The following KNDC1 variants were observed in gnomAD, a reference collection of about 807,000 sequenced individuals.
KNDC1 encodes kinase non-catalytic C-lobe domain-containing protein 1.
A neutral mutation model predicts 172.8 loss-of-function variants in KNDC1; 106 were observed. The observed-to-expected ratio is 0.61, with a 90% confidence interval of 0.52 to 0.72. The LOEUF is 0.72. Among genes scored for constraint, KNDC1 ranks in the 30% least tolerant of loss-of-function variants. The pLI is 0.00. For synonymous variants in KNDC1, 1,083 were observed against 1,062.2 expected, an observed-to-expected ratio of 1.02 and a Z score of -0.38; for missense variants, 2,325 against 2,394.5, an observed-to-expected ratio of 0.97 and a Z score of 0.61.
Position 133,163,930 on chromosome 10 carries a change from C to CAATTGCAAAG in KNDC1, c.102+3361_102+3362insAATTGCAAAG, listed in dbSNP as rs1564869723. On this transcript the variant is annotated intron_variant, in intron 1 of 29. Transcript: ENST00000304613. The surrounding 1 kb of genome is among the most constrained non-coding windows in gnomAD (Gnocchi z 4.4). Reference sequence around the variant, plus strand: ...GGATGGGGGTGGAGTTCGTGGCCACCTGCCTTCCCAAATCCCTCCTCCCAC... The same window carrying CAATTGCAAAG: ...GGATGGGGGTGGAGTTCGTGGCCACCAATTGCAAAGTGCCTTCCCAAATCCCTCCTCCCAC... Among the ~76,000 whole-genome samples the CAATTGCAAAG allele has an allele frequency of 1.3e-3, 108 of 84,846 alleles. 1 individual carries two copies. The highest frequency in any genetic ancestry group is 6.4e-3 in the Middle Eastern group (1 of 156). The allele number at this position is 84,846 out of a possible 152,430, so 55.7% of individuals were successfully genotyped here.
rs1854291599 is a variant in KNDC1 at position 133,199,160 on chromosome 10, C to T, written c.2652C>T (p.Leu884=). The change falls in exon 14 of 30, where the codon CTC becomes CTT. Residue 884 remains leucine, a synonymous_variant. Coordinates refer to ENST00000304613, the MANE Select transcript of KNDC1 (RefSeq NM_152643.8). The part of the protein sequence containing the change: ...LCLPCVDASP[L]PGRTACPSLQ... ...TGCCCTGCGTGGATGCCTCGCCACT[C>T]CCAGGGAGGACGGCCTGCCCGTCGC... is the stretch of plus-strand genomic sequence containing the variant. The T allele has an allele frequency of 6.2e-7, 1 of 1,601,770 alleles. No homozygotes were observed. Among genetic ancestry groups the T allele is most frequent in the Non-Finnish European group, 8.5e-7 (1 of 1,175,100 alleles).
rs1336511062 is a variant in KNDC1 at position 133,205,887 on chromosome 10, ATAAAAT to A, written c.3388-792_3388-787del. 3.9e-5 allele frequency among the ~76,000 whole-genome samples: 6 copies of A among 152,148 alleles called. No homozygotes were observed. The South Asian group carries it at 8.3e-4, about 21-fold the overall frequency. On this transcript the variant is annotated intron_variant, in intron 17 of 29. Transcript: ENST00000304613. Reference sequence around the variant, plus strand: ...CTCATCTCAAAAAATAAAAAATAAAATAAAATTAAAAAGTCAATAAAAATAAAAAAC... The same window carrying A: ...CTCATCTCAAAAAATAAAAAATAAAATAAAAAGTCAATAAAAATAAAAAAC...
intron 29 of KNDC1, among the ~76,000 whole-genome samples, chr10:133,222,109 C>T (rs1307063920): frequency 6.7e-6 from 1 of 150,026 alleles, no homozygotes; most frequent in African/African-American, 2.5e-5. Context: ...TGGTGAAACC[C>T]CATCTCTACT....
chr10:133,167,621 G>T, intron 2 of KNDC1, 42 bp downstream of exon 2: 1 of 1,538,194 alleles, frequency 6.5e-7, no homozygotes, highest in Non-Finnish European at 8.8e-7. Flanking sequence ...GGGCACGCGG[G>T]GTGGAGGTGC....
intron 1 of KNDC1, among the ~76,000 whole-genome samples, chr10:133,165,393 G>A (rs1436392758): frequency 6.6e-6 from 1 of 152,164 alleles, no homozygotes; most frequent in Non-Finnish European, 1.5e-5. Context: ...CTCCCTTCCC[G>A]GGTCCACGTG....
At chr10:133,180,481 G>T (rs1354404903) in intron 3 of KNDC1, among the ~76,000 whole-genome samples, 1 of 152,276 alleles carries the variant, frequency 6.6e-6, no homozygotes, top group Admixed American at 6.5e-5. Context: ...TGCCCTCCAA[G>T]TTCACACCCC....
rs1845696403 is a variant in KNDC1, at chr10:133,225,198, G to A, written c.*308G>A. 5.5e-6 allele frequency: 2 copies of A among 361,432 alleles called. No individual in the cohort carries two copies. Among genetic ancestry groups the A allele is most frequent in the African/African-American group, 2.1e-5 (1 of 47,538 alleles). 22.4% of individuals were successfully genotyped at this position (361,432 alleles called of 1,614,324 possible). ...TCCCAGGAGTTTTGTGCCTGTCTGC[G>A]CCTCTCACACACAGATAAGTGGCTC... On this transcript the variant is annotated 3_prime_UTR_variant, in exon 30 of 30. Transcript: ENST00000304613.
Position 133,215,653 on chromosome 10 carries a change from A to C in KNDC1, c.4677+1531A>C, listed in dbSNP as rs61385670. ...AAGGACAGGTGGCTGTCACCTGGCC[A>C]ACCCACATCGTCCTGGGCGCACCCT... On this transcript the variant is annotated intron_variant, in intron 26 of 29. Coordinates refer to ENST00000304613, the MANE Select transcript of KNDC1 (RefSeq NM_152643.8). Among the ~76,000 whole-genome samples the C allele has an allele frequency of 1.6e-4, 25 of 152,390 alleles. No homozygotes were observed. The East Asian group carries it at 4.2e-3, about 26-fold the overall frequency.
At chr10:133,178,008 T>A (rs895390771) in intron 3 of KNDC1, among the ~76,000 whole-genome samples, 5 of 149,808 alleles carry the variant, frequency 3.3e-5, no homozygotes, top group African/African-American at 1.2e-4. Flanking sequence ...ATGTATGTGG[T>A]GTGTGCATGC....
chr10:133,222,268 GC>G (rs1816975572), intron 29 of KNDC1, among the ~76,000 whole-genome samples: 1 of 129,732 alleles, frequency 7.7e-6, no homozygotes, highest in African/African-American at 2.8e-5. Context: ...GGGCGATAGA[GC>G]GAGACTCCGT....
chr10:133,169,942 C>T (rs1260660758), intron 3 of KNDC1, among the ~76,000 whole-genome samples: 2 of 152,244 alleles, frequency 1.3e-5, no homozygotes, highest in African/African-American at 2.4e-5. Context: ...TTTTATCCCG[C>T]GTTGCACGTT....
intron 3 of KNDC1, among the ~76,000 whole-genome samples, chr10:133,169,342 C>T (rs1211713429): frequency 1.3e-5 from 2 of 152,208 alleles, no homozygotes; most frequent in Admixed American, 1.3e-4. Context: ...CGCCTGTGGT[C>T]CCAGCTACTC....
chr10:133,176,714 G>A (rs1010578911), intron 3 of KNDC1, among the ~76,000 whole-genome samples: 3 of 152,210 alleles, frequency 2.0e-5, no homozygotes, highest in Non-Finnish European at 4.4e-5. Flanking sequence ...CTTGAAACTT[G>A]CTGTAGTTTT....
At chr10:133,198,106 G>A (rs143245526) in intron 12 of KNDC1, among the ~76,000 whole-genome samples, 1 of 152,080 alleles carries the variant, frequency 6.6e-6, no homozygotes, top group Non-Finnish European at 1.5e-5. Flanking sequence ...CAAGGCTTCT[G>A]GTGGGGCCTG....
intron 15 of KNDC1, among the ~76,000 whole-genome samples, chr10:133,200,096 G>A (rs1589761365): frequency 6.6e-6 from 1 of 152,238 alleles, no homozygotes; most frequent in East Asian, 1.9e-4. Flanking sequence ...TGCGTGTGGA[G>A]TAAACACAGC....
chr10:133,221,255 T>G (rs1845583051), intron 29 of KNDC1, among the ~76,000 whole-genome samples: 1 of 152,024 alleles, frequency 6.6e-6, no homozygotes. Flanking sequence ...CCTCAGCCTG[T>G]TCCTGTGGTC....
intron 1 of KNDC1, among the ~76,000 whole-genome samples, chr10:133,166,961 C>T (rs1351628370): frequency 2.0e-5 from 3 of 152,170 alleles, no homozygotes; most frequent in Admixed American, 6.5e-5. Flanking sequence ...GATCACGCCC[C>T]GTTAGCTCTG....
At chr10:133,184,721 G>A (rs1263188606) in intron 5 of KNDC1, among the ~76,000 whole-genome samples, 1 of 152,274 alleles carries the variant, frequency 6.6e-6, no homozygotes, top group Non-Finnish European at 1.5e-5. Flanking sequence ...CAGCCTTGCA[G>A]GCACCCACGC....
intron 29 of KNDC1, among the ~76,000 whole-genome samples, chr10:133,222,176 G>A (rs1379563958): frequency 1.3e-4 from 20 of 149,518 alleles, no homozygotes; most frequent in African/African-American, 4.4e-4. Flanking sequence ...CCAGCTACTC[G>A]GGAGGCTGAG....
Sources: gnomAD v4.1 joint callset for allele counts (sites outside exome capture counted in the v4.1 genomes callset) on GRCh38, gnomAD v4.1.1 for gene constraint, Gnocchi (gnomAD v3.1) non-coding constraint, MANE v1.5 for transcripts, NCBI Gene and HGNC (gene_info 2026-07-23, HGNC 2026-07-21) for gene names.